The following MYO1E variants were observed in gnomAD, a reference collection of about 807,000 sequenced individuals.
The protein encoded by MYO1E is myosin IE.
In MYO1E, 68 loss-of-function variants were observed where a neutral mutation model predicts 151.1. That is an observed-to-expected ratio of 0.45 (90% confidence interval 0.37 to 0.55). The LOEUF (loss-of-function observed/expected upper bound fraction) is 0.55, where lower values mean the gene tolerates loss of function less well. Among genes scored for constraint, MYO1E ranks in the 20% least tolerant of loss-of-function variants. MYO1E has a pLI of 0.00. For synonymous variants in MYO1E, 601 were observed against 501.7 expected (o/e 1.20, Z -2.64); for missense variants, 1,363 against 1,389.3 (o/e 0.98, Z 0.30).
chr15:59,219,336 C>T (rs2079939666), intron 9 of MYO1E, among the ~76,000 whole-genome samples: 1 of 152,164 alleles, frequency 6.6e-6, no homozygotes, highest in African/African-American at 2.4e-5. Context: ...TTTATAGATG[C>T]AATGCAAATT....
At chr15:59,212,663 T>C (rs1205584987) in intron 12 of MYO1E, 3 of 152,212 alleles carry the variant, frequency 2.0e-5, no homozygotes, top group Non-Finnish European at 4.4e-5. Context: ...ATAGAGACTG[T>C]CAAAAATTGT....
At chr15:59,160,311 A>G (rs921474293) in intron 24 of MYO1E, among the ~76,000 whole-genome samples, 4 of 149,218 alleles carry the variant, frequency 2.7e-5, no homozygotes, top group Non-Finnish European at 5.9e-5. Context: ...CCAGGGAAGG[A>G]GTTAGACTGG....
intron 24 of MYO1E, among the ~76,000 whole-genome samples, chr15:59,160,367 GTGTGTGTGTGTGTA>G (rs2079531333): frequency 6.7e-6 from 1 of 149,448 alleles, no homozygotes; most frequent in South Asian, 2.1e-4. Flanking sequence ...GTGTGTGTGT[GTGTGTGTGTGTGTA>G]TGGTGTTTTA....
intron 2 of MYO1E, among the ~76,000 whole-genome samples, chr15:59,267,695 C>A (rs757075907): frequency 2.6e-5 from 4 of 152,212 alleles, no homozygotes; most frequent in Non-Finnish European, 4.4e-5. Context: ...ACCGAATGAG[C>A]ACAGAGTGCT....
At chr15:59,168,409 G>T (rs919238580) in intron 22 of MYO1E, among the ~76,000 whole-genome samples, 1 of 151,950 alleles carries the variant, frequency 6.6e-6, no homozygotes, top group Non-Finnish European at 1.5e-5. Context: ...AGCCAGAAGT[G>T]GGGGTACATG....
At chr15:59,237,399 G>A (rs1196883729) in intron 4 of MYO1E, among the ~76,000 whole-genome samples, 2 of 152,086 alleles carry the variant, frequency 1.3e-5, no homozygotes, top group African/African-American at 4.8e-5. Context: ...TCCTGCATGG[G>A]GAGAGCCTTT....
chr15:59,337,826 C>T (rs2080738574), intron 1 of MYO1E, among the ~76,000 whole-genome samples: 1 of 151,592 alleles, frequency 6.6e-6, no homozygotes, highest in African/African-American at 2.4e-5. Context: ...AGCAAGACTC[C>T]ATCTCAAAAA....
At position 59,174,162 on chromosome 15, in the gene MYO1E, C is replaced by T. The variant is rs2079611191; in HGVS notation, c.2128G>A (p.Val710Met). 2.5e-6 allele frequency: 4 copies of T among 1,613,876 alleles called. No homozygotes were observed. Among genetic ancestry groups the T allele is most frequent in the East Asian group, 2.2e-5 (1 of 44,892 alleles). ...ATTTGAACGTATTTCTTCCGGGCCACGAATTTCCTCCATGATTTCTGTATC... is the reference window on the plus strand; with the variant it reads ...ATTTGAACGTATTTCTTCCGGGCCATGAATTTCCTCCATGATTTCTGTATC... ...RVIQKSWRKF[V>M]ARKKYVQMRE... Residue 710 changes from valine (V) to methionine (M), a missense_variant, in exon 20 of 28, where the codon GTG (valine) becomes ATG (methionine). By Grantham distance (21) the Val-to-Met change is conservative. Coordinates refer to ENST00000288235, the MANE Select transcript of MYO1E (RefSeq NM_004998.4).
At chr15:59,358,672 T>C (rs1366663116) in intron 1 of MYO1E, among the ~76,000 whole-genome samples, 1 of 152,222 alleles carries the variant, frequency 6.6e-6, no homozygotes, top group Non-Finnish European at 1.5e-5. Context: ...ACCAGGAAAA[T>C]GGGTTTTCAA....
chr15:59,142,933 A>C (rs1216882364), intron 26 of MYO1E, among the ~76,000 whole-genome samples: 3 of 151,908 alleles, frequency 2.0e-5, no homozygotes, highest in African/African-American at 7.3e-5. Flanking sequence ...AAAAAAAAAA[A>C]AAAAAAAAAG....
intron 1 of MYO1E, among the ~76,000 whole-genome samples, chr15:59,293,520 TG>T (rs2080431741): frequency 1.3e-5 from 2 of 151,544 alleles, no homozygotes; most frequent in Non-Finnish European, 2.9e-5. Flanking sequence ...CACTCCAGCC[TG>T]GGTGACAGAG....
chr15:59,328,083 G>C (rs1434864452), intron 1 of MYO1E, among the ~76,000 whole-genome samples: 4 of 152,180 alleles, frequency 2.6e-5, no homozygotes, highest in African/African-American at 4.8e-5. Context: ...GCTCCATGGT[G>C]GGGGGGTTCC....
chr15:59,267,692 G>T (rs1357545957), intron 2 of MYO1E, among the ~76,000 whole-genome samples: 1 of 152,230 alleles, frequency 6.6e-6, no homozygotes, highest in Non-Finnish European at 1.5e-5. Context: ...TGGACCGAAT[G>T]AGCACAGAGT....
At position 59,289,435 on chromosome 15, in the gene MYO1E, T is replaced by A. The variant is rs28434357; in HGVS notation, c.4-16986A>T. ...TGGGAGCAGCTCAATTTCATCTTAG[T>A]TTTTAATGTAAAGATAAATACAAAT... is the stretch of plus-strand genomic sequence containing the variant. On this transcript the variant is annotated intron_variant, in intron 1 of 27. Transcript: ENST00000288235. Among the ~76,000 whole-genome samples, 1,517 of 152,316 alleles carry A rather than the reference T, an allele frequency of 1.0e-2. 25 individuals carry two copies. Among genetic ancestry groups the A allele is most frequent in the African/African-American group, 0.032 (1,344 of 41,558 alleles).
At chr15:59,163,523 C>G (rs991136087) in intron 22 of MYO1E, among the ~76,000 whole-genome samples, 58 of 152,220 alleles carry the variant, frequency 3.8e-4, no homozygotes, top group African/African-American at 1.3e-3. Context: ...CCAACAAAAG[C>G]ATGATCAAAG....
intron 26 of MYO1E, among the ~76,000 whole-genome samples, chr15:59,146,961 C>A (rs965815306): frequency 6.6e-6 from 1 of 152,106 alleles, no homozygotes; most frequent in African/African-American, 2.4e-5. Flanking sequence ...CTGAGTAGGG[C>A]AATCACATTA....
chr15:59,342,826 C>T (rs2080773376), intron 1 of MYO1E, among the ~76,000 whole-genome samples: 1 of 152,066 alleles, frequency 6.6e-6, no homozygotes, highest in African/African-American at 2.4e-5. Context: ...CAAATAACAT[C>T]TTATAACCCA....
intron 1 of MYO1E, among the ~76,000 whole-genome samples, chr15:59,296,933 G>A (rs555620085): frequency 9.3e-5 from 13 of 139,380 alleles, no homozygotes; most frequent in Admixed American, 7.0e-4. Flanking sequence ...TCCGCCTCCC[G>A]GGTTCACGCC....
intron 8 of MYO1E, 64 bp downstream of exon 8, chr15:59,224,625 T>A (rs1428932248): frequency 6.2e-7 from 1 of 1,605,440 alleles, no homozygotes; most frequent in African/African-American, 1.3e-5. Flanking sequence ...TTCACTGCCC[T>A]TTTGGCCACA....
Sources: allele counts gnomAD v4.1 joint callset (sites outside exome capture counted in the v4.1 genomes callset), GRCh38; gene constraint gnomAD v4.1.1; transcripts MANE v1.5; gene names NCBI Gene and HGNC (gene_info 2026-07-23, HGNC 2026-07-21).